PLEKHA5: variants seen among roughly 807,000 people sequenced by gnomAD.
PLEKHA5 encodes the protein pleckstrin homology domain-containing family A member 5.
PLEKHA5 carries 55 observed loss-of-function variants against 181.9 expected under a neutral mutation model. That is an observed-to-expected ratio of 0.30 (90% CI 0.24 to 0.38). The LOEUF is 0.38. PLEKHA5 is among the 10% of genes least tolerant of loss of function. The pLI is 1.00. For missense variants in PLEKHA5, 1,432 were observed against 1,549.5 expected (o/e 0.92, Z 1.27); for synonymous variants, 535 against 529.4 (o/e 1.01, Z -0.15).
intron 3 of PLEKHA5, among the ~76,000 whole-genome samples, chr12:19,206,138 C>T (rs539333274): frequency 6.6e-6 from 1 of 152,038 alleles, no homozygotes; most frequent in Non-Finnish European, 1.5e-5. Flanking sequence ...CTGTTACTTT[C>T]TCTGAGCTCA....
chr12:19,347,626 T>TGTCACCCCTGAAAATGGGAAATAC (rs1438848182), intron 24 of PLEKHA5, among the ~76,000 whole-genome samples: 1 of 152,050 alleles, frequency 6.6e-6, no homozygotes, highest in African/African-American at 2.4e-5. Context: ...TAAGGAGAGA[T>TGTCACCCCTGAAAATGGGAAATAC]GTCACCCCTG....
chr12:19,253,918 T>A, intron 3 of PLEKHA5, 22 bp from the exon 4 acceptor site: 1 of 1,398,008 alleles, frequency 7.2e-7, no homozygotes, highest in Non-Finnish European at 1.0e-6. Context: ...CATGTTCTGT[T>A]TTTCTTTTTT....
intron 15 of PLEKHA5, among the ~76,000 whole-genome samples, chr12:19,293,528 A>G (rs767978061): frequency 3.9e-5 from 6 of 152,168 alleles, no homozygotes; most frequent in Non-Finnish European, 8.8e-5. Context: ...CACTGCCAGA[A>G]AGCTGCTAAG....
chr12:19,365,782 A>T (rs556240874), intron 29 of PLEKHA5, among the ~76,000 whole-genome samples, 182 bp from the exon 30 acceptor site: 9 of 152,336 alleles, frequency 5.9e-5, no homozygotes, highest in African/African-American at 2.2e-4. Flanking sequence ...TATTGAAATG[A>T]ATATACAGGT....
chr12:19,173,962 C>T (rs2046603203), intron 3 of PLEKHA5, among the ~76,000 whole-genome samples: 1 of 152,096 alleles, frequency 6.6e-6, no homozygotes, highest in African/African-American at 2.4e-5. Context: ...AATGATTTTC[C>T]ACCTACATAA....
chr12:19,307,095 T>G (rs2084149052), intron 15 of PLEKHA5: 1 of 1,095,264 alleles, frequency 9.1e-7, no homozygotes, highest in African/African-American at 1.6e-5. Context: ...TGCTGAAGCT[T>G]ATGAGCACTG....
chr12:19,272,459 C>G (rs1000253619), intron 10 of PLEKHA5, among the ~76,000 whole-genome samples: 7 of 152,100 alleles, frequency 4.6e-5, no homozygotes, highest in African/African-American at 1.7e-4. Context: ...TAGCTTTAGG[C>G]TGAGCACGGT....
rs573156250 is a variant in PLEKHA5 at position 19,201,998 on chromosome 12, G to A, written c.228-51942G>A. 80 of 965,870 alleles carry A rather than the reference G, an allele frequency of 8.3e-5. No homozygotes were observed. The Middle Eastern group carries it at 1.6e-3, about 19-fold the overall frequency. 59.8% of individuals were successfully genotyped at this position (965,870 alleles called of 1,614,324 possible). A position where few individuals can be genotyped will look rare whatever the true frequency, so the allele number is the denominator to read the frequency against. ...ATAAAACTAAATAAAAGCTGAGTTA[G>A]TACCACTTGCCTTGGGTTCATTACT... On this transcript the variant is annotated intron_variant, in intron 3 of 31. Transcript: ENST00000429027.
intron 15 of PLEKHA5, among the ~76,000 whole-genome samples, chr12:19,301,447 G>A (rs779011869): frequency 1.3e-5 from 2 of 151,998 alleles, no homozygotes; most frequent in Non-Finnish European, 2.9e-5. Context: ...TAAAGGAACA[G>A]GGATTAGGAA....
intron 3 of PLEKHA5, among the ~76,000 whole-genome samples, chr12:19,143,504 T>C (rs1480397652): frequency 6.6e-6 from 1 of 152,162 alleles, no homozygotes; most frequent in Non-Finnish European, 1.5e-5. Flanking sequence ...CACAGTCCTG[T>C]TGTGCAGAGA....
intron 15 of PLEKHA5, chr12:19,306,743 A>G: frequency 2.7e-6 from 3 of 1,121,996 alleles, no homozygotes; most frequent in South Asian, 1.2e-5. Context: ...TTCCCGCCGG[A>G]TAATTCACCT....
intron 5 of PLEKHA5, 54 bp from the exon 6 acceptor site, chr12:19,257,379 T>A: frequency 4.9e-6 from 4 of 811,120 alleles, no homozygotes; most frequent in Non-Finnish European, 8.2e-6. Flanking sequence ...GAAGATAAGC[T>A]CAAATCTCTA....
At chr12:19,367,161 C>T (rs879654207) in intron 30 of PLEKHA5, among the ~76,000 whole-genome samples, 15 of 151,570 alleles carry the variant, frequency 9.9e-5, no homozygotes, top group Non-Finnish European at 1.9e-4. Context: ...GCTGGGATTA[C>T]AGGCATAAGC....
In PLEKHA5 at chr12:19,352,007, C is replaced by A. The variant is rs930499442; in HGVS notation, c.3020-1877C>A. On this transcript the variant is annotated intron_variant, in intron 25 of 31. Coordinates refer to ENST00000429027, the MANE Select transcript of PLEKHA5 (RefSeq NM_001256470.2). ...AGGAGAATCGCTTGAATGCAGGAAG[C>A]AGAGATTACAGTGAGCCGAGATCAC... is the stretch of plus-strand genomic sequence containing the variant. Among the ~76,000 whole-genome samples the A allele has an allele frequency of 6.3e-5, 9 of 142,108 alleles. No homozygotes were observed. In the South Asian group the frequency reaches 6.5e-4, roughly 10 times the overall value. 93.2% of individuals were successfully genotyped at this position (142,108 alleles called of 152,430 possible).
At chr12:19,334,829 A>AAAAAAAAAATATATAT in intron 20 of PLEKHA5, among the ~76,000 whole-genome samples, 7 of 18,604 alleles carry the variant, frequency 3.8e-4, no homozygotes, top group South Asian at 2.8e-3. Context: ...AAAAAAAAAA[A>AAAAAAAAAATATATAT]ATATATATAT....
intron 3 of PLEKHA5, among the ~76,000 whole-genome samples, chr12:19,173,005 CTTTTTTTTTTTTTTTTTTT>C (rs71064064): frequency 3.0e-5 from 1 of 33,544 alleles, no homozygotes; most frequent in African/African-American, 1.1e-4. Context: ...ATTTCCCTTT[CTTTTTTTTTTTTTTTTTTT>C]TTTTTTTTTT....
rs144183813 is a variant in PLEKHA5 at position 19,255,083 on chromosome 12, G to A, written c.350G>A (p.Arg117Gln). The A allele has an allele frequency of 1.1e-3, 1,843 of 1,607,890 alleles. 11 individuals are homozygous for A. Among genetic ancestry groups the A allele is most frequent in the Non-Finnish European group, 6.0e-4 (700 of 1,175,722 alleles). ...ATMTSEEKKE[R>Q]PISMINEASN... ...ATGACATCTGAAGAAAAGAAGGAACGGCCAATAAGTATGATAAATGAAGCT... is the reference window on the plus strand; with the variant it reads ...ATGACATCTGAAGAAAAGAAGGAACAGCCAATAAGTATGATAAATGAAGCT... Residue 117 changes from arginine to glutamine, a missense_variant, in exon 5 of 32, where the codon CGG becomes CAG. Transcript: ENST00000429027.
chr12:19,189,955 T>C (rs747008963), intron 3 of PLEKHA5, among the ~76,000 whole-genome samples: 2 of 152,200 alleles, frequency 1.3e-5, no homozygotes, highest in Non-Finnish European at 2.9e-5. Context: ...TGGAATTTGG[T>C]TACTTGCTTT....
At chr12:19,204,420 C>G (rs1437686854) in intron 3 of PLEKHA5, among the ~76,000 whole-genome samples, 1 of 152,054 alleles carries the variant, frequency 6.6e-6, no homozygotes, top group East Asian at 1.9e-4. Flanking sequence ...TGGGGCTGTA[C>G]TAGATCTGGA....
Sources: allele counts gnomAD v4.1 joint callset (sites outside exome capture counted in the v4.1 genomes callset), GRCh38; gene constraint gnomAD v4.1.1; transcripts MANE v1.5; gene names NCBI Gene and HGNC (gene_info 2026-07-23, HGNC 2026-07-21).